Variants in GAST observed in about 807,000 individuals in gnomAD.
The protein encoded by GAST is preprogastrin.
A neutral mutation model predicts 12.5 loss-of-function variants in GAST; 9 were observed. The ratio of observed to expected loss-of-function variants is 0.72; its 90% CI spans 0.43 to 1.25. The LOEUF is 1.25. Among genes scored for constraint, GAST ranks in the 50% most tolerant of loss-of-function variants. GAST has a pLI of 0.00. For missense variants in GAST, 121 were observed against 127.7 expected (o/e 0.95, Z 0.25); for synonymous variants, 52 against 51.1 (o/e 1.02, Z -0.08).
Position 41,715,945 on chromosome 17 carries a change from C to T in GAST, c.*73C>T. 1 of 1,179,906 alleles carries T rather than the reference C, an allele frequency of 8.5e-7. No homozygotes were observed. The highest frequency in any genetic ancestry group is 1.5e-5 in the South Asian group (1 of 67,172). The allele number at this position is 1,179,906 out of a possible 1,614,324, so 73.1% of individuals were successfully genotyped here. A position where few individuals can be genotyped will look rare whatever the true frequency, so the allele number is the denominator to read the frequency against. On this transcript the variant is annotated 3_prime_UTR_variant, in exon 3 of 3. Coordinates refer to ENST00000329402, the MANE Select transcript of GAST (RefSeq NM_000805.5). The stretch of plus-strand genomic sequence containing the variant: ...CAGCCCTGTCCCCTGAAAAACTGAT[C>T]AAAAATAAACTAGTTTCCAGTGGAT...
chr17:41,713,755 A>T (rs781892168), intron 1 of GAST, among the ~76,000 whole-genome samples: 55 of 152,168 alleles, frequency 3.6e-4, no homozygotes, highest in Admixed American at 2.6e-3. Flanking sequence ...TTTTATTAAT[A>T]CAAATGTATT....
At chr17:41,715,183 A>C (rs4796684) in intron 1 of GAST, among the ~76,000 whole-genome samples, 126,847 of 151,932 alleles carry the variant, frequency 0.83, 53,121 homozygotes, top group Middle Eastern at 0.93. Context: ...GCCTATAGTC[A>C]CAGATATTCT....
Position 41,715,929 on chromosome 17 carries a change from C to A in GAST, c.*57C>A. The stretch of plus-strand genomic sequence containing the variant: ...ACCTCCCACCCCACTCCAGCCCTGT[C>A]CCCTGAAAAACTGATCAAAAATAAA... On this transcript the variant is annotated 3_prime_UTR_variant, in exon 3 of 3. Coordinates refer to ENST00000329402, the MANE Select transcript of GAST (RefSeq NM_000805.5). The A allele has an allele frequency of 1.5e-6, 2 of 1,362,610 alleles. No homozygotes were observed. The highest frequency in any genetic ancestry group is 1.4e-5 in the South Asian group (1 of 73,910). The allele number at this position is 1,362,610 out of a possible 1,614,324, so 84.4% of individuals were successfully genotyped here. A position where few individuals can be genotyped will look rare whatever the true frequency, so the allele number is the denominator to read the frequency against.
intron 1 of GAST, among the ~76,000 whole-genome samples, chr17:41,715,132 C>T (rs1910940055): frequency 6.6e-6 from 1 of 152,110 alleles, no homozygotes; most frequent in African/African-American, 2.4e-5. Flanking sequence ...AACCCCATCT[C>T]TACTAAAAAT....
At chr17:41,712,877 C>T (rs1392056179) in intron 1 of GAST, among the ~76,000 whole-genome samples, 1 of 152,150 alleles carries the variant, frequency 6.6e-6, no homozygotes, top group African/African-American at 2.4e-5. Context: ...ATATGGTAGC[C>T]ACTAGCCACG....
rs1555585752 is a variant in GAST, at chr17:41,715,516, C to G, written c.80C>G (p.Ser27Cys). 6.2e-7 allele frequency: 1 copy of G among 1,613,740 alleles called. No homozygotes were observed. The highest frequency in any genetic ancestry group is 1.1e-5 in the South Asian group (1 of 91,086). ...TCTGAAGCTTCTTGGAAGCCCCGCT[C>G]CCAGCAGCCAGATGCACCCTTAGGT... The part of the protein sequence containing the change: ...AFSEASWKPR[S>C]QQPDAPLGTG... Residue 27 changes from serine (S) to cysteine (C), a missense_variant, in exon 2 of 3, where the codon TCC becomes TGC. Ser to Cys is a moderately radical substitution (Grantham distance 112). Transcript: ENST00000329402.
Position 41,715,442 on chromosome 17 carries a change from G to A in GAST, c.6G>A (p.Gln2=), listed in dbSNP as rs1555585707. The change falls in exon 2 of 3, where the codon CAG becomes CAA. Residue 2 remains glutamine (Q), a synonymous_variant. Coordinates refer to ENST00000329402, the MANE Select transcript of GAST (RefSeq NM_000805.5). M[Q]RLCVYVLIFA... ...TTCTCCCCTTTGCAGACGAGATGCA[G>A]CGACTGTGTGTGTATGTGCTGATCT... The A allele has an allele frequency of 6.2e-7, 1 of 1,609,556 alleles. No individual in the cohort carries two copies. The highest frequency in any genetic ancestry group is 2.2e-5 in the East Asian group (1 of 44,706).
rs1213585784 is a variant in GAST, at chr17:41,715,039, C to T, written c.-5-393C>T. Among the ~76,000 whole-genome samples the T allele has an allele frequency of 2.6e-5, 4 of 152,224 alleles. No individual in the cohort carries two copies. In the East Asian group the frequency reaches 7.8e-4, roughly 30 times the overall value. On this transcript the variant is annotated intron_variant, in intron 1 of 2. Coordinates refer to ENST00000329402, the MANE Select transcript of GAST (RefSeq NM_000805.5). ...ACTCACCCGGGTGCGGTGGCTCATGCCTGTAATCCCAGCATTTGGGAGGCC... is the reference window on the plus strand; with the variant it reads ...ACTCACCCGGGTGCGGTGGCTCATGTCTGTAATCCCAGCATTTGGGAGGCC...
At position 41,715,774 on chromosome 17, in the gene GAST, T is replaced by A. The variant is rs4290525; in HGVS notation, c.212-4T>A. 7.1e-3 allele frequency: 11,390 copies of A among 1,607,278 alleles called. 629 individuals carry two copies. The African/African-American group carries it at 0.13, about 18-fold the overall frequency. On this transcript the variant is annotated splice_polypyrimidine_tract_variant and splice_region_variant and intron_variant, in intron 2 of 2. Transcript: ENST00000329402. ...CCCCATTCTCGCCTCTCTCACCTCC[T>A]CAGACCCGTCCAAGAAGCAGGGACC...
chr17:41,714,242 G>A (rs746064522), intron 1 of GAST, among the ~76,000 whole-genome samples: 1 of 151,948 alleles, frequency 6.6e-6, no homozygotes, highest in African/African-American at 2.4e-5. Flanking sequence ...GTGCAATCTC[G>A]GCTCACTGCA....
chr17:41,714,379 C>G (rs782013860), intron 1 of GAST, among the ~76,000 whole-genome samples: 12 of 152,046 alleles, frequency 7.9e-5, no homozygotes, highest in Non-Finnish European at 1.3e-4. Flanking sequence ...CAGTATGTTG[C>G]CCAGGCTGGT....
intron 1 of GAST, among the ~76,000 whole-genome samples, chr17:41,714,710 G>A (rs1555585595): frequency 1.3e-5 from 2 of 152,108 alleles, no homozygotes; most frequent in African/African-American, 4.8e-5. Flanking sequence ...AGGAGGTAGA[G>A]GCTGCAGTGA....
intron 1 of GAST, among the ~76,000 whole-genome samples, chr17:41,714,158 T>C (rs1271536398): frequency 1.3e-5 from 2 of 152,186 alleles, no homozygotes; most frequent in African/African-American, 2.4e-5. Flanking sequence ...GGTATTACTA[T>C]TTAAAAGTTT....
rs138073636 is a variant in GAST, at chr17:41,715,591, C to A, written c.155C>A (p.Pro52Gln). ...LELPWLEQQG[P>Q]ASHHRRQLGP... is the part of the protein sequence containing the mutation. ...CTACCCTGGCTGGAGCAGCAGGGCC[C>A]AGCCTCTCATCATCGAAGGCAGCTG... Residue 52 changes from proline to glutamine, a missense_variant, in exon 2 of 3, where the codon CCA becomes CAA. Transcript: ENST00000329402. The A allele has an allele frequency of 3.7e-4, 602 of 1,613,688 alleles. 1 individual carries two copies. The highest frequency in any genetic ancestry group is 9.0e-4 in the Admixed American group (54 of 60,026).
At chr17:41,715,320 A>T in intron 1 of GAST, 112 bp from the exon 2 acceptor site, 1 of 744,258 alleles carries the variant, frequency 1.3e-6, no homozygotes, top group South Asian at 1.8e-5. Context: ...AAAAGAAAGA[A>T]TTGCACACTC....
At chr17:41,713,514 G>C (rs903105238) in intron 1 of GAST, among the ~76,000 whole-genome samples, 1 of 151,966 alleles carries the variant, frequency 6.6e-6, no homozygotes, top group Non-Finnish European at 1.5e-5. Flanking sequence ...AACATAGTGA[G>C]ACCTCATCTC....
intron 1 of GAST, among the ~76,000 whole-genome samples, chr17:41,713,605 G>C (rs1192419749): frequency 1.3e-5 from 2 of 152,114 alleles, no homozygotes; most frequent in Admixed American, 1.3e-4. Context: ...GCTGAGGTGG[G>C]AGGATCTCTT....
intron 1 of GAST, among the ~76,000 whole-genome samples, chr17:41,714,728 T>C (rs1239605718): frequency 1.3e-5 from 2 of 151,800 alleles, no homozygotes; most frequent in African/African-American, 2.4e-5. Context: ...TGAGCAGTGA[T>C]TGCACTACTG....
chr17:41,714,946 G>C (rs900891333), intron 1 of GAST, among the ~76,000 whole-genome samples: 5 of 152,170 alleles, frequency 3.3e-5, no homozygotes, highest in Non-Finnish European at 7.3e-5. Flanking sequence ...TTCGGGGCTG[G>C]TGTGGAACTG....
Sources: allele counts gnomAD v4.1 joint callset (sites outside exome capture counted in the v4.1 genomes callset), GRCh38; gene constraint gnomAD v4.1.1; transcripts MANE v1.5; gene names NCBI Gene and HGNC (gene_info 2026-07-23, HGNC 2026-07-21).